MRC1: variants seen among roughly 807,000 people sequenced by gnomAD.
The protein encoded by MRC1 is macrophage mannose receptor 1.
A neutral mutation model predicts 102.9 loss-of-function variants in MRC1; 62 were observed. The ratio of observed to expected loss-of-function variants is 0.60; its 90% CI spans 0.49 to 0.74. The LOEUF is 0.74. MRC1 is among the 30% of genes least tolerant of loss of function. MRC1 has a pLI of 0.00. For synonymous variants in MRC1, 457 were observed against 298.4 expected (o/e 1.53, Z -5.48); for missense variants, 1,237 against 862.8 (o/e 1.43, Z -5.43).
At position 17,870,360 on chromosome 10, in the gene MRC1, T is replaced by G. The variant is rs1178736940; in HGVS notation, c.2098T>G (p.Trp700Gly). Residue 700 changes from tryptophan (W) to glycine (G), a missense_variant, in exon 13 of 30, where the codon TGG becomes GGG. Physicochemically the swap from Trp to Gly is radical, Grantham distance 184. Coordinates refer to ENST00000569591, the MANE Select transcript of MRC1 (RefSeq NM_002438.4). Reference sequence around the variant, plus strand: ...TAACAAAGAGGAACAGCAAACAATATGGCGATTAATAACGTAAGTGGTATT... The same window carrying G: ...TAACAAAGAGGAACAGCAAACAATAGGGCGATTAATAACGTAAGTGGTATT... ...INNKEEQQTI[W>G]RLITASGSYH... 1.3e-6 allele frequency: 1 copy of G among 780,274 alleles called. No individual in the cohort carries two copies. The highest frequency in any genetic ancestry group is 2.4e-6 in the Non-Finnish European group (1 of 417,658). 48.3% of individuals were successfully genotyped at this position (780,274 alleles called of 1,614,324 possible). A position where few individuals can be genotyped will look rare whatever the true frequency, so the allele number is the denominator to read the frequency against.
chr10:17,818,535 G>A (rs1465289790), intron 1 of MRC1, among the ~76,000 whole-genome samples: 2 of 152,160 alleles, frequency 1.3e-5, no homozygotes, highest in Non-Finnish European at 2.9e-5. Flanking sequence ...TTGGCTGGGC[G>A]CAGTGGCTCA....
chr10:17,894,394 C>CTTTTTTTTTTTTTT (rs34625338), intron 23 of MRC1, 82 bp downstream of exon 23: 19 of 406,274 alleles, frequency 4.7e-5, no homozygotes, highest in East Asian at 1.4e-4. Context: ...TTCTTTCTTT[C>CTTTTTTTTTTTTTT]TTTTTTTTTT....
At chr10:17,884,257 C>A (rs1209949286) in intron 21 of MRC1, among the ~76,000 whole-genome samples, 1 of 152,184 alleles carries the variant, frequency 6.6e-6, no homozygotes, top group Non-Finnish European at 1.5e-5. Flanking sequence ...GCACCAGCCA[C>A]CATCCCCAGC....
intron 4 of MRC1, among the ~76,000 whole-genome samples, chr10:17,835,736 A>C (rs1333736176): frequency 6.6e-6 from 1 of 152,218 alleles, no homozygotes; most frequent in African/African-American, 2.4e-5. Flanking sequence ...CAGTCATGGC[A>C]AGAAGACAGT....
At chr10:17,884,323 TATA>T (rs1833559741) in intron 21 of MRC1, among the ~76,000 whole-genome samples, 1 of 152,056 alleles carries the variant, frequency 6.6e-6, no homozygotes, top group African/African-American at 2.4e-5. Context: ...GCACACTGAG[TATA>T]TGGGCAACTG....
Position 17,873,893 on chromosome 10 carries a change from G to T in MRC1, c.2386+68G>T, listed in dbSNP as rs1047238269. 2.5e-3 allele frequency: 2,149 copies of T among 855,570 alleles called. 7 individuals are homozygous for T. The highest frequency in any genetic ancestry group is 3.7e-3 in the Non-Finnish European group (1,785 of 488,612). 53.0% of individuals were successfully genotyped at this position (855,570 alleles called of 1,614,324 possible). On this transcript the variant is annotated intron_variant, in intron 16 of 29. Transcript: ENST00000569591. ...TTCTCCGCCTCTTTCCTTTCTCAATGAAAAAATTACTTGCCCTAGGAAGGT... is the reference window on the plus strand; with the variant it reads ...TTCTCCGCCTCTTTCCTTTCTCAATTAAAAAATTACTTGCCCTAGGAAGGT...
intron 7 of MRC1, 119 bp from the exon 8 acceptor site, chr10:17,852,848 T>G: frequency 3.9e-6 from 3 of 767,694 alleles, no homozygotes; most frequent in Non-Finnish European, 7.3e-6. Flanking sequence ...TTCATGATGG[T>G]GATCATATCA....
At chr10:17,850,517 GA>G (rs1838898750) in intron 7 of MRC1, among the ~76,000 whole-genome samples, 1 of 152,048 alleles carries the variant, frequency 6.6e-6, no homozygotes, top group East Asian at 1.9e-4. Context: ...GTACTAAGCA[GA>G]AAAAAATAGA....
intron 12 of MRC1, 79 bp from the exon 13 acceptor site, chr10:17,870,167 A>C (rs1019196628): frequency 1.4e-6 from 1 of 728,648 alleles, no homozygotes; most frequent in Admixed American, 2.0e-5. Context: ...ATGAACTCTC[A>C]TCAAAAGTAA....
chr10:17,834,146 G>A lies in MRC1; in HGVS notation c.802+307G>A, dbSNP rs1288593846. 1.7e-4 allele frequency among the ~76,000 whole-genome samples: 26 copies of A among 152,150 alleles called. 1 individual carries two copies. The highest frequency in any genetic ancestry group is 1.7e-3 in the Admixed American group (26 of 15,280). Reference sequence around the variant, plus strand: ...TTAATGATGTCGTTCTTGGACGCAAGGCAGTGGAACAATCCTGGTCAAGTA... The same window carrying A: ...TTAATGATGTCGTTCTTGGACGCAAAGCAGTGGAACAATCCTGGTCAAGTA... On this transcript the variant is annotated intron_variant, in intron 4 of 29. Transcript: ENST00000569591.
chr10:17,839,429 G>A (rs1299457693), intron 4 of MRC1, among the ~76,000 whole-genome samples: 1 of 148,956 alleles, frequency 6.7e-6, no homozygotes, highest in Non-Finnish European at 1.5e-5. Flanking sequence ...AGCATGTCCT[G>A]TAGAATACGT....
chr10:17,897,045 T>A (rs924416447), intron 23 of MRC1, among the ~76,000 whole-genome samples: 39 of 152,340 alleles, frequency 2.6e-4, no homozygotes, highest in African/African-American at 7.7e-4. Context: ...CAAATGAATG[T>A]GGCTGTGTTC....
intron 1 of MRC1, among the ~76,000 whole-genome samples, chr10:17,815,513 C>CCAGG (rs200557382): frequency 0.18 from 28,058 of 152,040 alleles, 3,242 homozygotes; most frequent in Non-Finnish European, 0.25. Flanking sequence ...GGTTCACAGT[C>CCAGG]CAGGACACAG....
intron 22 of MRC1, among the ~76,000 whole-genome samples, chr10:17,888,083 C>T (rs897212792): frequency 1.7e-4 from 26 of 152,136 alleles, no homozygotes; most frequent in Non-Finnish European, 2.9e-4. Flanking sequence ...GGATTACAGG[C>T]GTGAGCCACC....
Position 17,880,557 on chromosome 10 carries a change from A to G in MRC1, c.2752A>G (p.Asn918Asp). ...GAATGACATTAACTGTGGCTATCCA[A>G]ACGCCTTCATTTGCCAGCGACATAA... ...FWNDINCGYP[N>D]AFICQRHNSS... Residue 918 changes from asparagine (N) to aspartate (D), a missense_variant, in exon 20 of 30, where the codon AAC becomes GAC. Asn to Asp is a conservative substitution (Grantham distance 23). Transcript: ENST00000569591. 1.3e-6 allele frequency: 1 copy of G among 780,854 alleles called. No individual in the cohort carries two copies. The highest frequency in any genetic ancestry group is 2.4e-6 in the Non-Finnish European group (1 of 417,958). 48.4% of individuals were successfully genotyped at this position (780,854 alleles called of 1,614,324 possible).
chr10:17,900,269 C>G (rs922606608), intron 24 of MRC1, among the ~76,000 whole-genome samples: 4 of 142,194 alleles, frequency 2.8e-5, no homozygotes, highest in African/African-American at 9.7e-5. Flanking sequence ...CTTCCATACC[C>G]TTACCTCTCT....
intron 9 of MRC1, 80 bp downstream of exon 9, chr10:17,856,432 T>A: frequency 1.3e-6 from 1 of 788,144 alleles, no homozygotes; most frequent in East Asian, 2.7e-5. Flanking sequence ...TGTGTGAAAG[T>A]GCCTTGTTAT....
intron 15 of MRC1, among the ~76,000 whole-genome samples, 197 bp downstream of exon 15, chr10:17,872,323 G>A (rs1429054556): frequency 6.6e-6 from 1 of 152,158 alleles, no homozygotes; most frequent in African/African-American, 2.4e-5. Context: ...AGATCAAAAG[G>A]CCACCTGGGA....
rs1024606881 is a variant in MRC1, at chr10:17,861,689, G to C, written c.1634+187G>C. On this transcript the variant is annotated intron_variant, in intron 10 of 29. Transcript: ENST00000569591. ...ATTGCAAACATTACAAACCGTTTTT[G>C]CTAAATTTAGTAGTATAAAGCAACA... is the stretch of plus-strand genomic sequence containing the variant. Among the ~76,000 whole-genome samples the C allele has an allele frequency of 3.8e-3, 573 of 152,146 alleles. 7 individuals carry two copies. Among genetic ancestry groups the C allele is most frequent in the Admixed American group, 0.017 (262 of 15,290 alleles).
Sources: allele counts gnomAD v4.1 joint callset (sites outside exome capture counted in the v4.1 genomes callset), GRCh38; gene constraint gnomAD v4.1.1; transcripts MANE v1.5; gene names NCBI Gene and HGNC (gene_info 2026-07-23, HGNC 2026-07-21).